Variants in NLRX1 observed in about 807,000 individuals in gnomAD.
NLRX1 encodes the protein NOD-like receptor X1.
Under a neutral mutation model 74.2 loss-of-function variants are expected in NLRX1, and 67 were observed. That is an observed-to-expected ratio of 0.90 (90% confidence interval 0.74 to 1.11). The LOEUF is 1.11. NLRX1 is among the 50% of genes least tolerant of loss of function. The pLI, the probability that NLRX1 is intolerant of heterozygous loss-of-function variation, is 0.00. For missense variants in NLRX1, 1,191 were observed against 1,305.4 expected, an observed-to-expected ratio of 0.91 and a Z score of 1.35; for synonymous variants, 506 against 559.1, an observed-to-expected ratio of 0.91 and a Z score of 1.34.
At position 119,183,267 on chromosome 11, in the gene NLRX1, G is replaced by A. The variant is rs754231592; in HGVS notation, c.2756G>A (p.Arg919Gln). The A allele has an allele frequency of 4.8e-5, 78 of 1,614,098 alleles. No homozygotes were observed. The highest frequency in any genetic ancestry group is 6.2e-5 in the Non-Finnish European group (73 of 1,180,058). ...YWSVILSEVQ[R>Q]NLNSWDRARV... ...TCAGTGATCCTCAGTGAAGTCCAGC[G>A]GAACCTCAATAGCTGGGATCGGGCC... Residue 919 changes from arginine (R) to glutamine (Q), a missense_variant, in exon 10 of 10, where the codon CGG becomes CAG. Arg to Gln is a conservative substitution (Grantham distance 43). Coordinates refer to ENST00000409109, the MANE Select transcript of NLRX1 (RefSeq NM_001282144.2). This position sits in a 1 kb window ranked among gnomAD's most constrained non-coding sequence, Gnocchi z 5.7.
chr11:119,172,749 A>T (rs1948583854), intron 3 of NLRX1, 152 bp from the exon 4 acceptor site: 2 of 656,948 alleles, frequency 3.0e-6, no homozygotes, highest in Non-Finnish European at 2.7e-6. Flanking sequence ...AGGGTGTGAG[A>T]GTCAGACAAG....
Position 119,180,270 on chromosome 11 carries a change from T to C in NLRX1, c.2249T>C (p.Leu750Pro). The C allele has an allele frequency of 6.3e-7, 1 of 1,583,478 alleles. No individual in the cohort carries two copies. The highest frequency in any genetic ancestry group is 8.6e-7 in the Non-Finnish European group (1 of 1,158,402). Reference sequence around the variant, plus strand: ...CTGCGCACACTCCTGCCTGTCTTCCTGCGTGCCCGGAAGCTGGGGTGAGGA... The same window carrying C: ...CTGCGCACACTCCTGCCTGTCTTCCCGCGTGCCCGGAAGCTGGGGTGAGGA... Reference protein sequence around the residue: ...AGLRTLLPVFLRARKLGLQLN... With the variant: ...AGLRTLLPVFPRARKLGLQLN... Residue 750 changes from leucine (L) to proline (P), a missense_variant, in exon 7 of 10, where the codon CTG becomes CCG. Transcript: ENST00000409109.
Position 119,183,154 on chromosome 11 carries a change from G to T in NLRX1, c.2643G>T (p.Gln881His). The change falls in exon 10 of 10, where the codon CAG (glutamine) becomes CAT (histidine). Residue 881 changes from glutamine (Q) to histidine (H), a missense_variant. Physicochemically the swap from Gln to His is conservative, Grantham distance 24 (BLOSUM62 0). Transcript: ENST00000409109. The surrounding 1 kb of genome is among the most constrained non-coding windows in gnomAD (Gnocchi z 5.7). Reference protein sequence around the residue: ...YFNELSSEGRQVLRDLGGAAE... With the variant: ...YFNELSSEGRHVLRDLGGAAE... ...ATGAGCTGAGCTCAGAGGGCCGCCA[G>T]GTCTTGCGAGACTTGGGGGGTGCTG... 1.2e-6 allele frequency: 2 copies of T among 1,614,170 alleles called. No individual in the cohort carries two copies. Among genetic ancestry groups the T allele is most frequent in the Non-Finnish European group, 1.7e-6 (2 of 1,180,032 alleles).
At position 119,173,673 on chromosome 11, in the gene NLRX1, C is replaced by T. The variant is rs1565826244; in HGVS notation, c.424C>T (p.Pro142Ser). Reference sequence around the variant, plus strand: ...GCATCAGCCACCCCAGGCCGGGCTCCCCCCACTGGCCTTGTCTCAGCTCTT... The same window carrying T: ...GCATCAGCCACCCCAGGCCGGGCTCTCCCCACTGGCCTTGTCTCAGCTCTT... ...LEHQPPQAGL[P>S]PLALSQLFNP... is the part of the protein sequence containing the mutation. Residue 142 changes from proline to serine, a missense_variant, in exon 5 of 10, where the codon CCC (proline) becomes TCC (serine). Transcript: ENST00000409109. This position sits in a 1 kb window ranked among gnomAD's most constrained non-coding sequence, Gnocchi z 4.0. The T allele has an allele frequency of 1.9e-6, 3 of 1,614,100 alleles. No homozygotes were observed. Among genetic ancestry groups the T allele is most frequent in the Non-Finnish European group, 2.5e-6 (3 of 1,180,032 alleles).
At chr11:119,169,431 C>G (rs765872753) in intron 1 of NLRX1, 129 bp downstream of exon 1, 42 of 152,348 alleles carry the variant, frequency 2.8e-4, no homozygotes, top group Non-Finnish European at 4.8e-4. Flanking sequence ...TAAACCGGAA[C>G]CTAGGCTTTC....
Position 119,179,844 on chromosome 11 carries a change from G to T in NLRX1, c.1823G>T (p.Arg608Leu). 1 of 1,614,134 alleles carries T rather than the reference G, an allele frequency of 6.2e-7. No individual in the cohort carries two copies. ...GASILGVEGP[R>L]RHPDEPPEDE... is the part of the protein sequence containing the mutation. Reference sequence around the variant, plus strand: ...AGTATCCTGGGCGTGGAGGGCCCCCGGCGCCACCCAGATGAGCCCCCTGAG... The same window carrying T: ...AGTATCCTGGGCGTGGAGGGCCCCCTGCGCCACCCAGATGAGCCCCCTGAG... Residue 608 changes from arginine to leucine, a missense_variant, in exon 7 of 10, where the codon CGG (arginine) becomes CTG (leucine). Transcript: ENST00000409109.
Position 119,179,714 on chromosome 11 carries a change from C to G in NLRX1, c.1693C>G (p.Arg565Gly). 1 of 1,606,416 alleles carries G rather than the reference C, an allele frequency of 6.2e-7. No individual in the cohort carries two copies. Among genetic ancestry groups the G allele is most frequent in the Non-Finnish European group, 8.5e-7 (1 of 1,174,942 alleles). Residue 565 changes from arginine to glycine, a missense_variant, in exon 7 of 10, where the codon CGC (arginine) becomes GGC (glycine). Transcript: ENST00000409109. ...LIKVVPRVFGRMVGKSREAVA... is the reference protein window; with the variant it reads ...LIKVVPRVFGGMVGKSREAVA... ...TCAGGTGGTTCCACGAGTGTTTGGG[C>G]GCATGGTGGGTAAAAGCCGGGAGGC...
intron 6 of NLRX1, chr11:119,178,008 T>A (rs2135179911): frequency 6.6e-6 from 1 of 152,116 alleles, no homozygotes; most frequent in Non-Finnish European, 1.5e-5. Flanking sequence ...ACCTCACATA[T>A]AAACATGAAA....
chr11:119,176,752 A>G (rs541063323), intron 6 of NLRX1, among the ~76,000 whole-genome samples: 62 of 152,298 alleles, frequency 4.1e-4, no homozygotes, highest in African/African-American at 1.5e-3. Context: ...TTTTGTAGAG[A>G]TGGGGTCTCA....
intron 6 of NLRX1, among the ~76,000 whole-genome samples, chr11:119,176,640 T>C (rs1441561147): frequency 2.0e-5 from 3 of 151,290 alleles, no homozygotes; most frequent in East Asian, 2.0e-4. Context: ...TGAGCCAAGA[T>C]TGCGCCACTG....
Position 119,173,776 on chromosome 11 carries a change from T to C in NLRX1, c.527T>C (p.Val176Ala), listed in dbSNP as rs1480501672. 9 of 1,613,640 alleles carry C rather than the reference T, an allele frequency of 5.6e-6. No homozygotes were observed. Among genetic ancestry groups the C allele is most frequent in the Non-Finnish European group, 7.6e-6 (9 of 1,180,032 alleles). Reference protein sequence around the residue: ...GTVGTGKSTLVRKMVLDWCYG... With the variant: ...GTVGTGKSTLARKMVLDWCYG... ...GTGGGCACAGGCAAGAGCACGCTGG[T>C]GCGCAAGATGGTTCTGGACTGGTGT... is the stretch of plus-strand genomic sequence containing the variant. Residue 176 changes from valine (V) to alanine (A), a missense_variant, in exon 5 of 10, where the codon GTG becomes GCG. Transcript: ENST00000409109. This position sits in a 1 kb window ranked among gnomAD's most constrained non-coding sequence, Gnocchi z 4.0.
chr11:119,174,944 G>A lies in NLRX1; in HGVS notation c.1341G>A (p.Glu447=), dbSNP rs1331249977. The A allele has an allele frequency of 1.2e-6, 2 of 1,614,072 alleles. No individual in the cohort carries two copies. The change falls in exon 6 of 10, where the codon GAG becomes GAA. Residue 447 remains glutamate (E), a synonymous_variant. Coordinates refer to ENST00000409109, the MANE Select transcript of NLRX1 (RefSeq NM_001282144.2). ...CCCGCAAGACCTACTTCTCTGAAGA[G>A]GATGTCTGTGGCTGCCTGGAGGCTG... ...VSSRKTYFSE[E]DVCGCLEAGI...
At chr11:119,181,283 C>T in intron 8 of NLRX1, 26 bp downstream of exon 8, 2 of 1,580,742 alleles carry the variant, frequency 1.3e-6, no homozygotes, top group Non-Finnish European at 1.7e-6. Flanking sequence ...GTGGGGCATC[C>T]TGGTGGCCAG....
rs1948674518 is a variant in NLRX1, at chr11:119,175,222, TG to T, written c.1621del (p.Ala541ProfsTer15). 6 of 1,614,166 alleles carry T rather than the reference TG, an allele frequency of 3.7e-6. No homozygotes were observed. The highest frequency in any genetic ancestry group is 5.1e-6 in the Non-Finnish European group (6 of 1,180,040). ...GEDVSLVLGI[M>X]AKLLPLRALP... is the part of the protein sequence containing the mutation. ...GACGTCAGCCTGGTACTGGGCATCA[TG>T]GCCAAGCTGCTGCCTCTGCGGGCTC... is the stretch of plus-strand genomic sequence containing the variant. On this transcript the variant is annotated frameshift_variant, in exon 6 of 10. Transcript: ENST00000409109. LOFTEE classifies it high-confidence loss of function.
In NLRX1 at chr11:119,173,877, G is replaced by A. The variant is rs1948619187; in HGVS notation, c.628G>A (p.Ala210Thr). ...EDLSSLGPAP[A>T]SLCQLVAQRY... ...CCTGTCATCCCTGGGCCCTGCCCCA[G>A]CCTCCCTGTGCCAACTTGTGGCCCA... The change falls in exon 5 of 10, where the codon GCC becomes ACC. Residue 210 changes from alanine to threonine, a missense_variant. Transcript: ENST00000409109. This position sits in a 1 kb window ranked among gnomAD's most constrained non-coding sequence, Gnocchi z 4.0. The A allele has an allele frequency of 1.9e-6, 3 of 1,613,266 alleles. No individual in the cohort carries two copies. Among genetic ancestry groups the A allele is most frequent in the South Asian group, 2.2e-5 (2 of 91,088 alleles).
rs1186738095 is a variant in NLRX1 at position 119,173,011 on chromosome 11, C to T, written c.229+22C>T. 2 of 1,598,882 alleles carry T rather than the reference C, an allele frequency of 1.3e-6. No individual in the cohort carries two copies. Among genetic ancestry groups the T allele is most frequent in the Non-Finnish European group, 1.7e-6 (2 of 1,167,200 alleles). ...ACTGGTAAAGGGACTGGCTGGGACC[C>T]TGGTCAGGGGGTGTGGTGGGCAGAC... On this transcript the variant is annotated intron_variant, in intron 4 of 9. Transcript: ENST00000409109. The surrounding 1 kb of genome is among the most constrained non-coding windows in gnomAD (Gnocchi z 4.0).
Position 119,183,004 on chromosome 11 carries a change from G to T in NLRX1, c.2607-114G>T. On this transcript the variant is annotated intron_variant, in intron 9 of 9. Coordinates refer to ENST00000409109, the MANE Select transcript of NLRX1 (RefSeq NM_001282144.2). The surrounding 1 kb of genome is among the most constrained non-coding windows in gnomAD (Gnocchi z 5.7). Reference sequence around the variant, plus strand: ...TCTGGCTCATTGCAGTTACCTGATCGCACTCTGCAGCCAGGAGATGAGTTG... The same window carrying T: ...TCTGGCTCATTGCAGTTACCTGATCTCACTCTGCAGCCAGGAGATGAGTTG... The T allele has an allele frequency of 1.1e-6, 1 of 914,994 alleles. No homozygotes were observed. The highest frequency in any genetic ancestry group is 1.7e-6 in the Non-Finnish European group (1 of 605,042). The allele number at this position is 914,994 out of a possible 1,614,324, so 56.7% of individuals were successfully genotyped here. A position where few individuals can be genotyped will look rare whatever the true frequency, so the allele number is the denominator to read the frequency against.
In NLRX1 at chr11:119,173,437, A is replaced by G. The variant is rs1435930741; in HGVS notation, c.230-42A>G. On this transcript the variant is annotated intron_variant, in intron 4 of 9. Transcript: ENST00000409109. The surrounding 1 kb of genome is among the most constrained non-coding windows in gnomAD (Gnocchi z 4.0). ...CTGATTGGCCCTAAGCTACATCTCC[A>G]GGCCCCTTTCCCTGACACATTTCCC... 2 of 1,588,530 alleles carry G rather than the reference A, an allele frequency of 1.3e-6. No individual in the cohort carries two copies. Among genetic ancestry groups the G allele is most frequent in the Non-Finnish European group, 1.7e-6 (2 of 1,169,206 alleles).
intron 6 of NLRX1, 53 bp downstream of exon 6, chr11:119,175,327 C>G: frequency 6.7e-7 from 1 of 1,501,448 alleles, no homozygotes; most frequent in Non-Finnish European, 9.1e-7. Flanking sequence ...TCCCCAGCAC[C>G]CCAAGCCGCC....
Sources: gnomAD v4.1 joint callset for allele counts (sites outside exome capture counted in the v4.1 genomes callset) on GRCh38, gnomAD v4.1.1 for gene constraint, Gnocchi (gnomAD v3.1) non-coding constraint, MANE v1.5 for transcripts, NCBI Gene and HGNC (gene_info 2026-07-23, HGNC 2026-07-21) for gene names.